The following DPP6 variants were observed in gnomAD, a reference collection of about 807,000 sequenced individuals.
DPP6 encodes A-type potassium channel modulatory protein DPP6.
DPP6 carries 69 observed loss-of-function variants against 122.6 expected under a neutral mutation model. That is an observed-to-expected ratio of 0.56 (90% confidence interval 0.46 to 0.69). The LOEUF is 0.69. DPP6 is among the 30% of genes least tolerant of loss of function. DPP6 has a pLI of 0.00. For synonymous variants in DPP6, 418 were observed against 433.1 expected (o/e 0.97, Z 0.43); for missense variants, 928 against 1,116.9 (o/e 0.83, Z 2.41).
In DPP6 at chr7:154,313,684, G is replaced by GGTGTGTGTGTGTGT. The variant is rs146683070; in HGVS notation, c.244-132528_244-132527insGTGTGTGTGTGTGT. On this transcript the variant is annotated intron_variant, in intron 1 of 25. Transcript: ENST00000377770. Reference sequence around the variant, plus strand: ...GAAGCAACAAGATATTTTAAGATATGGTATATATATATATATATATATATA... The same window carrying GGTGTGTGTGTGTGT: ...GAAGCAACAAGATATTTTAAGATATGGTGTGTGTGTGTGTGTATATATATATATATATATATATA... 9.8e-3 allele frequency among the ~76,000 whole-genome samples: 246 copies of GGTGTGTGTGTGTGT among 25,052 alleles called. 15 individuals carry two copies. The highest frequency in any genetic ancestry group is 0.031 in the Middle Eastern group (1 of 32). 16.4% of individuals were successfully genotyped at this position (25,052 alleles called of 152,430 possible). A position where few individuals can be genotyped will look rare whatever the true frequency, so the allele number is the denominator to read the frequency against.
At chr7:154,401,196 C>CA (rs1815551558) in intron 1 of DPP6, among the ~76,000 whole-genome samples, 1 of 142,494 alleles carries the variant, frequency 7.0e-6, no homozygotes, top group African/African-American at 2.8e-5. Flanking sequence ...GACTCCATCT[C>CA]AGAAAAAACA....
rs751940685 is a variant in DPP6 at position 154,446,361 on chromosome 7, T to C, written c.358+33T>C. On this transcript the variant is annotated intron_variant, in intron 2 of 25. Coordinates refer to ENST00000377770, the MANE Select transcript of DPP6 (RefSeq NM_130797.4). ...ATTCATTCTTGGAAAAGCAAGTCGC[T>C]GTCAGAGAGAAAGAGCATAATTTTA... 3.0e-5 allele frequency: 47 copies of C among 1,543,612 alleles called. No homozygotes were observed. In the Admixed American group the frequency reaches 4.2e-4, roughly 14 times the overall value.
intron 1 of DPP6, among the ~76,000 whole-genome samples, chr7:153,956,257 G>A (rs1338028568): frequency 1.3e-5 from 2 of 152,128 alleles, no homozygotes; most frequent in African/African-American, 2.4e-5. Flanking sequence ...GGTGCTCAGT[G>A]TAGAATCACC....
At chr7:154,026,791 T>A (rs1798974470) in intron 1 of DPP6, 2 of 152,224 alleles carry the variant, frequency 1.3e-5, no homozygotes, top group South Asian at 4.1e-4. Flanking sequence ...AAGCTTATTA[T>A]AAACTTTGCC....
intron 1 of DPP6, among the ~76,000 whole-genome samples, chr7:154,267,387 C>T (rs1375733365): frequency 6.8e-6 from 1 of 146,664 alleles, no homozygotes; most frequent in African/African-American, 2.5e-5. Context: ...ATATTTATCC[C>T]TTATATATAT....
At chr7:154,167,862 C>A (rs1017309599) in intron 1 of DPP6, among the ~76,000 whole-genome samples, 1 of 152,218 alleles carries the variant, frequency 6.6e-6, no homozygotes, top group Non-Finnish European at 1.5e-5. Context: ...AAATGTCAGG[C>A]TCCCAGGCCT....
At chr7:154,788,458 AG>A (rs1797471651) in intron 10 of DPP6, among the ~76,000 whole-genome samples, 1 of 150,478 alleles carries the variant, frequency 6.6e-6, no homozygotes, top group Non-Finnish European at 1.5e-5. Context: ...AAAAAAAAAA[AG>A]TAGAAGATAC....
chr7:154,432,848 T>A (rs1469099289), intron 1 of DPP6, among the ~76,000 whole-genome samples: 1 of 152,084 alleles, frequency 6.6e-6, no homozygotes, highest in African/African-American at 2.4e-5. Flanking sequence ...AAAAGAAAAA[T>A]TGTACTTAGG....
chr7:154,603,399 G>A (rs1234731429), intron 5 of DPP6, among the ~76,000 whole-genome samples: 1 of 118,042 alleles, frequency 8.5e-6, no homozygotes, highest in Non-Finnish European at 1.9e-5. Context: ...GTGTGCGGTG[G>A]TTCATGCCTG....
At chr7:154,870,146 C>CTTTTTTTT (rs61457825) in intron 18 of DPP6, among the ~76,000 whole-genome samples, 1 of 121,728 alleles carries the variant, frequency 8.2e-6, no homozygotes, top group African/African-American at 3.2e-5. Flanking sequence ...CCAACTAATT[C>CTTTTTTTT]TTTTTTTTTT....
intron 1 of DPP6, among the ~76,000 whole-genome samples, chr7:154,445,014 A>G (rs1819736149): frequency 1.3e-5 from 2 of 152,150 alleles, no homozygotes; most frequent in African/African-American, 4.8e-5. Context: ...GGCCCCATGA[A>G]TTTTTCTTAA....
chr7:154,841,568 T>G lies in DPP6; in HGVS notation c.1667-12212T>G, dbSNP rs374644146. Among the ~76,000 whole-genome samples, 77 of 152,194 alleles carry G rather than the reference T, an allele frequency of 5.1e-4. 2 individuals carry two copies. In the South Asian group the frequency reaches 0.016, roughly 31 times the overall value. ...AAAGGTACGAGCTGAATTTTGGGAA[T>G]GTACTGAGAACCTTCTCTTTTCTTC... On this transcript the variant is annotated intron_variant, in intron 16 of 25. Transcript: ENST00000377770.
intron 1 of DPP6, among the ~76,000 whole-genome samples, chr7:154,292,200 C>T (rs1192640601): frequency 2.0e-5 from 3 of 152,146 alleles, no homozygotes; most frequent in East Asian, 1.9e-4. Flanking sequence ...ATGGCACCAC[C>T]GACAAAGGAT....
At chr7:153,825,753 G>A in the DPP6 span, among the ~76,000 whole-genome samples, 1,393 of 152,106 alleles carry the variant, frequency 9.2e-3, 16 homozygotes, top group African/African-American at 0.032. Context: ...TAGAAACGAG[G>A]TTTTGCCATG....
chr7:154,243,588 G>A (rs1391234637), intron 1 of DPP6, among the ~76,000 whole-genome samples: 1 of 152,144 alleles, frequency 6.6e-6, no homozygotes, highest in Non-Finnish European at 1.5e-5. Context: ...GAGGTCAGGA[G>A]ATTGAGACCA....
intron 7 of DPP6, among the ~76,000 whole-genome samples, chr7:154,692,844 C>T (rs892053997): frequency 7.3e-5 from 11 of 150,514 alleles, no homozygotes; most frequent in Non-Finnish European, 1.5e-4. Flanking sequence ...TGCAGTGGCA[C>T]AGTCATAGCT....
At chr7:154,451,139 G>C (rs558159499) in intron 2 of DPP6, among the ~76,000 whole-genome samples, 1 of 152,198 alleles carries the variant, frequency 6.6e-6, no homozygotes, top group Non-Finnish European at 1.5e-5. Context: ...GAGGTGGGCA[G>C]ATCACGAGGT....
chr7:153,809,403 T>C, the DPP6 span, among the ~76,000 whole-genome samples: 3 of 152,160 alleles, frequency 2.0e-5, no homozygotes, highest in South Asian at 2.1e-4. Context: ...GACCCAGCGC[T>C]GTGCCTAGCA....
At chr7:153,789,263 C>A in the DPP6 span, among the ~76,000 whole-genome samples, 1 of 152,074 alleles carries the variant, frequency 6.6e-6, no homozygotes, top group East Asian at 1.9e-4. Context: ...TATCTTAGAT[C>A]CAATCCAAGA....
Sources: allele counts gnomAD v4.1 joint callset (sites outside exome capture counted in the v4.1 genomes callset), GRCh38; gene constraint gnomAD v4.1.1; transcripts MANE v1.5; gene names NCBI Gene and HGNC (gene_info 2026-07-23, HGNC 2026-07-21).